Variants in DNAH6 observed in about 807,000 individuals in gnomAD.
The protein encoded by DNAH6 is dynein axonemal heavy chain 6, also known as axonemal beta dynein heavy chain 6.
In DNAH6, 340 loss-of-function variants were observed where a neutral mutation model predicts 491.4. The ratio of observed to expected loss-of-function variants is 0.69; its 90% CI spans 0.63 to 0.76. The LOEUF is 0.76. Ranked by LOEUF, DNAH6 falls within the 30% of genes least tolerant of loss-of-function variation. The pLI is 0.00. For synonymous variants in DNAH6, 1,603 were observed against 1,686.1 expected (o/e 0.95, Z 1.21); for missense variants, 4,443 against 4,972.2 (o/e 0.89, Z 3.20).
At chr2:84,521,651 A>G (rs1331383911) in intron 2 of DNAH6, among the ~76,000 whole-genome samples, 1 of 152,080 alleles carries the variant, frequency 6.6e-6, no homozygotes, top group African/African-American at 2.4e-5. Flanking sequence ...ATTTTTGTAT[A>G]TGGTGTAAGG....
chr2:84,712,847 G>A (rs958379817), intron 56 of DNAH6, among the ~76,000 whole-genome samples: 1 of 152,206 alleles, frequency 6.6e-6, no homozygotes, highest in Admixed American at 6.5e-5. Context: ...GAAATGAATA[G>A]TGTGTAAGAT....
At chr2:84,472,881 C>A in the DNAH6 span, among the ~76,000 whole-genome samples, 1 of 152,314 alleles carries the variant, frequency 6.6e-6, no homozygotes, top group Middle Eastern at 3.4e-3. Flanking sequence ...TCATCAGTCA[C>A]ATTTCGAATT....
chr2:84,504,119 G>A, the DNAH6 span, among the ~76,000 whole-genome samples: 7 of 151,746 alleles, frequency 4.6e-5, no homozygotes, highest in African/African-American at 7.3e-5. Context: ...TCCTCTGACC[G>A]TGTATTTTCA....
chr2:84,661,972 G>A (rs1279608194), intron 37 of DNAH6, among the ~76,000 whole-genome samples: 1 of 152,110 alleles, frequency 6.6e-6, no homozygotes, highest in African/African-American at 2.4e-5. Context: ...CAAAGAAGTG[G>A]AAGAAAGAAC....
chr2:84,627,175 C>G (rs1687960451), intron 29 of DNAH6, among the ~76,000 whole-genome samples: 1 of 152,174 alleles, frequency 6.6e-6, no homozygotes, highest in African/African-American at 2.4e-5. Context: ...AACTTTGGAG[C>G]TAGAGCACAG....
At chr2:84,639,556 T>C (rs112400711) in intron 31 of DNAH6, among the ~76,000 whole-genome samples, 10,734 of 151,916 alleles carry the variant, frequency 0.071, 415 homozygotes, top group Middle Eastern at 0.15. Context: ...GTAGCTGAGA[T>C]TACAGGCTCC....
intron 48 of DNAH6, 51 bp downstream of exon 48, chr2:84,699,785 T>C (rs1362853387): frequency 5.9e-6 from 9 of 1,534,398 alleles, no homozygotes; most frequent in Middle Eastern, 3.4e-4. Context: ...TGCTTGACTT[T>C]AAAGGGGTAA....
At chr2:84,815,040 G>T (rs551477995) in intron 75 of DNAH6, among the ~76,000 whole-genome samples, 1 of 152,362 alleles carries the variant, frequency 6.6e-6, no homozygotes, top group East Asian at 1.9e-4. Flanking sequence ...CATAGGAAAA[G>T]GTGCTCCCTC....
intron 53 of DNAH6, 38 bp downstream of exon 53, chr2:84,707,057 C>A: frequency 1.3e-6 from 2 of 1,485,612 alleles, no homozygotes; most frequent in South Asian, 1.4e-5. Flanking sequence ...CCAGGAAATG[C>A]CTGATTTTCA....
the DNAH6 span, among the ~76,000 whole-genome samples, chr2:84,461,032 G>C: frequency 6.6e-6 from 1 of 152,064 alleles, no homozygotes; most frequent in Non-Finnish European, 1.5e-5. Context: ...GTTTATTGGA[G>C]GTCTGAAAGA....
At chr2:84,694,752 A>C (rs1445164199) in intron 46 of DNAH6, among the ~76,000 whole-genome samples, 3 of 152,256 alleles carry the variant, frequency 2.0e-5, no homozygotes, top group Non-Finnish European at 4.4e-5. Flanking sequence ...AGATAACAGA[A>C]GGTAATAAAC....
Position 84,722,793 on chromosome 2 carries a change from T to C in DNAH6, c.9961T>C (p.Tyr3321His). The change falls in exon 60 of 77, where the codon TAC (tyrosine) becomes CAC (histidine). Residue 3321 changes from tyrosine (Y) to histidine (H), a missense_variant. Tyr to His is a moderately conservative substitution (Grantham distance 83). Coordinates refer to ENST00000389394, the MANE Select transcript of DNAH6 (RefSeq NM_001370.2). ...TCCTATGTACCAGTACTCATTAAAA[T>C]ACTTTAAACAGGTAAGTGTGTTCAT... ...IDPMYQYSLK[Y>H]FKQLFNTTIE... 9.4e-6 allele frequency: 14 copies of C among 1,491,060 alleles called. No individual in the cohort carries two copies. Among genetic ancestry groups the C allele is most frequent in the Non-Finnish European group, 1.2e-5 (14 of 1,121,282 alleles). The allele number at this position is 1,491,060 out of a possible 1,614,324, so 92.4% of individuals were successfully genotyped here.
At chr2:84,512,378 C>A (rs889024945), upstream of DNAH6, among the ~76,000 whole-genome samples, 8 of 152,122 alleles carry the variant, frequency 5.3e-5, no homozygotes, top group Admixed American at 4.6e-4. Flanking sequence ...GAGGGTCCAA[C>A]TCACTTTTAT....
At chr2:84,663,088 G>A (rs569558245) in intron 37 of DNAH6, among the ~76,000 whole-genome samples, 23 of 152,268 alleles carry the variant, frequency 1.5e-4, no homozygotes, top group Middle Eastern at 3.4e-3. Flanking sequence ...CCATCTGTAC[G>A]ACACCATCAT....
At chr2:84,471,232 A>T in the DNAH6 span, among the ~76,000 whole-genome samples, 63 of 152,070 alleles carry the variant, frequency 4.1e-4, no homozygotes, top group Admixed American at 1.4e-3. Context: ...CATTATTACT[A>T]GCTATCATTA....
intron 33 of DNAH6, among the ~76,000 whole-genome samples, chr2:84,650,868 G>A (rs533393669): frequency 6.6e-6 from 1 of 152,120 alleles, no homozygotes; most frequent in Admixed American, 6.6e-5. Context: ...CTTATCTGAG[G>A]TATTATGTTA....
upstream of DNAH6, among the ~76,000 whole-genome samples, chr2:84,512,669 T>C (rs1250062530): frequency 6.6e-6 from 1 of 152,198 alleles, no homozygotes; most frequent in African/African-American, 2.4e-5. Context: ...CTTCATATGT[T>C]TTGGGACTGT....
At chr2:84,777,553 C>T in intron 64 of DNAH6, 4 of 773,892 alleles carry the variant, frequency 5.2e-6, no homozygotes, top group Non-Finnish European at 7.2e-6. Context: ...CAACCACCTA[C>T]TTGTGAACCT....
intron 18 of DNAH6, 47 bp from the exon 19 acceptor site, chr2:84,604,292 T>G (rs1285977677): frequency 6.9e-7 from 1 of 1,440,552 alleles, no homozygotes; most frequent in Non-Finnish European, 9.6e-7. Context: ...GTGGGTTATA[T>G]TTTTAAGATA....
Sources: allele counts gnomAD v4.1 joint callset (sites outside exome capture counted in the v4.1 genomes callset), GRCh38; gene constraint gnomAD v4.1.1; transcripts MANE v1.5; gene names NCBI Gene and HGNC (gene_info 2026-07-23, HGNC 2026-07-21).